Variants in DSCAML1 observed in about 807,000 individuals in gnomAD.
DSCAML1 encodes the protein DS cell adhesion molecule like 1, also known as cell adhesion molecule DSCAML1.
In DSCAML1, 38 loss-of-function variants were observed where a neutral mutation model predicts 200.5. That is an observed-to-expected ratio of 0.19 (90% CI 0.15 to 0.25). DSCAML1 has a LOEUF of 0.25. Ranked by LOEUF, DSCAML1 falls within the 10% of genes least tolerant of loss-of-function variation. DSCAML1 has a pLI of 1.00. For synonymous variants in DSCAML1, 1,215 were observed against 1,165.0 expected, an observed-to-expected ratio of 1.04 and a Z score of -0.87; for missense variants, 2,223 against 2,858.8, an observed-to-expected ratio of 0.78 and a Z score of 5.07.
At chr11:117,609,558 C>A (rs763896633) in intron 3 of DSCAML1, among the ~76,000 whole-genome samples, 1 of 152,100 alleles carries the variant, frequency 6.6e-6, no homozygotes, top group Non-Finnish European at 1.5e-5. Context: ...CCTCTTGCGT[C>A]GGCCTCCCAA....
intron 3 of DSCAML1, among the ~76,000 whole-genome samples, chr11:117,670,434 C>T (rs374247348): frequency 7.2e-5 from 11 of 152,112 alleles, no homozygotes; most frequent in Non-Finnish European, 1.5e-4. Flanking sequence ...AGGCAGGAGG[C>T]GAGCAGCAAG....
intron 3 of DSCAML1, among the ~76,000 whole-genome samples, chr11:117,620,522 C>T (rs1361261105): frequency 1.3e-5 from 2 of 152,176 alleles, no homozygotes; most frequent in Non-Finnish European, 2.9e-5. Flanking sequence ...GGGAGATTTC[C>T]AAGCCATTGC....
chr11:117,688,623 T>C (rs1191515547), intron 3 of DSCAML1, among the ~76,000 whole-genome samples: 1 of 152,130 alleles, frequency 6.6e-6, no homozygotes, highest in African/African-American at 2.4e-5. Flanking sequence ...CTGTGTGACC[T>C]TGGGCAGGTC....
intron 17 of DSCAML1, among the ~76,000 whole-genome samples, chr11:117,462,451 C>G (rs2048499161): frequency 6.6e-6 from 1 of 152,204 alleles, no homozygotes; most frequent in Non-Finnish European, 1.5e-5. Flanking sequence ...CTGCTGGCAT[C>G]CGAGGGCCAG....
intron 3 of DSCAML1, among the ~76,000 whole-genome samples, chr11:117,674,775 G>A (rs1005374025): frequency 7.9e-5 from 12 of 152,118 alleles, no homozygotes; most frequent in African/African-American, 2.9e-4. Flanking sequence ...ATCTCTGCTT[G>A]TGTGTTCAGA....
At position 117,469,409 on chromosome 11, in the gene DSCAML1, G is replaced by C. The variant is rs143643560; in HGVS notation, c.3024+501C>G. ...CCCCTAAGATTTTCCTTAAGTGACA[G>C]ATGCTTCAGTCACCCCCTATATTTT... On this transcript the variant is annotated intron_variant, in intron 16 of 32. Transcript: ENST00000651296. This position sits in a 1 kb window ranked among gnomAD's most constrained non-coding sequence, Gnocchi z 4.1. Among the ~76,000 whole-genome samples, 1 of 152,296 alleles carries C rather than the reference G, an allele frequency of 6.6e-6. No homozygotes were observed. Among genetic ancestry groups the C allele is most frequent in the African/African-American group, 2.4e-5 (1 of 41,542 alleles).
chr11:117,535,982 G>A (rs1185453797), intron 3 of DSCAML1, among the ~76,000 whole-genome samples: 2 of 151,774 alleles, frequency 1.3e-5, no homozygotes, highest in Non-Finnish European at 2.9e-5. Flanking sequence ...TGCATCTGAT[G>A]TTTCACATCC....
At chr11:117,581,635 T>A (rs1274784687) in intron 3 of DSCAML1, among the ~76,000 whole-genome samples, 1 of 152,192 alleles carries the variant, frequency 6.6e-6, no homozygotes, top group Non-Finnish European at 1.5e-5. Flanking sequence ...GTAAGATCCA[T>A]GCGTTACTTT....
intron 3 of DSCAML1, among the ~76,000 whole-genome samples, chr11:117,768,333 G>A (rs1232690008): frequency 6.6e-6 from 1 of 152,118 alleles, no homozygotes; most frequent in East Asian, 1.9e-4. Flanking sequence ...TGGAATATTT[G>A]AGATAAAAAC....
At chr11:117,671,925 C>T (rs907216214) in intron 3 of DSCAML1, among the ~76,000 whole-genome samples, 1 of 151,750 alleles carries the variant, frequency 6.6e-6, no homozygotes, top group Admixed American at 6.6e-5. Flanking sequence ...CACAGTGAAA[C>T]CCCATCTCTA....
chr11:117,461,604 G>A lies in DSCAML1; in HGVS notation c.3266-8C>T, dbSNP rs750221884. On this transcript the variant is annotated splice_polypyrimidine_tract_variant and splice_region_variant and intron_variant, in intron 17 of 32. Transcript: ENST00000651296. ...CAGGGGGCTGGCTGGGCACTGCAGG[G>A]GGTAGGGGGAGAACCAAGGGTCCAG... 16 of 1,609,600 alleles carry A rather than the reference G, an allele frequency of 9.9e-6. 1 individual carries two copies. In the South Asian group the frequency reaches 1.8e-4, roughly 18 times the overall value.
At chr11:117,493,321 C>CTTT (rs35975602) in intron 11 of DSCAML1, among the ~76,000 whole-genome samples, 3 of 142,054 alleles carry the variant, frequency 2.1e-5, no homozygotes, top group Non-Finnish European at 3.1e-5. Flanking sequence ...TGGTCCTCTT[C>CTTT]TTTTTTTTTT....
At chr11:117,575,036 C>G (rs1432178832) in intron 3 of DSCAML1, among the ~76,000 whole-genome samples, 2 of 152,066 alleles carry the variant, frequency 1.3e-5, no homozygotes, top group Non-Finnish European at 2.9e-5. Flanking sequence ...ACTAAAGATA[C>G]AAAAATTAAC....
intron 15 of DSCAML1, 132 bp downstream of exon 15, chr11:117,471,737 T>G: frequency 2.5e-6 from 2 of 812,160 alleles, no homozygotes; most frequent in African/African-American, 2.5e-5. Flanking sequence ...GACACAAACA[T>G]CTGTTAGGAT....
intron 3 of DSCAML1, among the ~76,000 whole-genome samples, chr11:117,660,405 A>T (rs942781216): frequency 6.6e-6 from 1 of 152,218 alleles, no homozygotes; most frequent in Non-Finnish European, 1.5e-5. Context: ...TCTGGGCCCC[A>T]GGTTCCTCAG....
rs530768050 is a variant in DSCAML1, at chr11:117,724,988, T to A, written c.511+51803A>T. Among the ~76,000 whole-genome samples, 19 of 152,110 alleles carry A rather than the reference T, an allele frequency of 1.2e-4. No individual in the cohort carries two copies. The East Asian group carries it at 2.9e-3, about 23-fold the overall frequency. The stretch of plus-strand genomic sequence containing the variant: ...GGGAGGGCAGAGGGAATGCATAAAT[T>A]CTCTGGACACCCCCAAAGGCTAGAC... On this transcript the variant is annotated intron_variant, in intron 3 of 32. Coordinates refer to ENST00000651296, the MANE Select transcript of DSCAML1 (RefSeq NM_020693.4).
At chr11:117,702,106 C>T (rs773098164) in intron 3 of DSCAML1, among the ~76,000 whole-genome samples, 7 of 152,338 alleles carry the variant, frequency 4.6e-5, no homozygotes, top group Admixed American at 6.5e-5. Flanking sequence ...CTCTTCCCTG[C>T]GTGGCTCCCC....
Position 117,428,246 on chromosome 11 carries a change from A to G in DSCAML1, c.*82T>C. ...TGGTTTTTGTCTGTCAGTTGAATAT[A>G]AATAATGCAGAAAAACAGCCGAGCT... On this transcript the variant is annotated 3_prime_UTR_variant, in exon 33 of 33. Transcript: ENST00000651296. 1 of 829,906 alleles carries G rather than the reference A, an allele frequency of 1.2e-6. No individual in the cohort carries two copies. Among genetic ancestry groups the G allele is most frequent in the Non-Finnish European group, 2.0e-6 (1 of 500,650 alleles). The allele number at this position is 829,906 out of a possible 1,614,324, so 51.4% of individuals were successfully genotyped here. A position where few individuals can be genotyped will look rare whatever the true frequency, so the allele number is the denominator to read the frequency against.
At chr11:117,571,350 AGAG>A (rs2137436768) in intron 3 of DSCAML1, among the ~76,000 whole-genome samples, 1 of 152,306 alleles carries the variant, frequency 6.6e-6, no homozygotes, top group African/African-American at 2.4e-5. Context: ...CCCATTTCAC[AGAG>A]GAGGACACTG....
Sources: allele counts gnomAD v4.1 joint callset (sites outside exome capture counted in the v4.1 genomes callset), GRCh38; gene constraint gnomAD v4.1.1; non-coding constraint Gnocchi (gnomAD v3.1); transcripts MANE v1.5; gene names NCBI Gene and HGNC (gene_info 2026-07-23, HGNC 2026-07-21).